ACTL8: variants seen among roughly 807,000 people sequenced by gnomAD.
ACTL8 encodes actin-like protein 8.
ACTL8 carries 3 observed loss-of-function variants against 9.3 expected under a neutral mutation model. That is an observed-to-expected ratio of 0.32 (90% CI 0.15 to 0.83). The LOEUF is 0.83. Ranked by LOEUF, ACTL8 falls within the 40% of genes least tolerant of loss-of-function variation. The probability of loss-of-function intolerance (pLI) is 0.57; values close to 1 mark genes in which losing one functional copy is unlikely to be tolerated. For missense variants in ACTL8, 381 were observed against 492.2 expected (o/e 0.77, Z 2.14); for synonymous variants, 224 against 205.9 (o/e 1.09, Z -0.75).
At chr1:17,820,029 A>G (rs547871507) in intron 1 of ACTL8, among the ~76,000 whole-genome samples, 16 of 152,216 alleles carry the variant, frequency 1.1e-4, no homozygotes, top group Admixed American at 7.9e-4. Flanking sequence ...CTTTGTTTTT[A>G]CTAAAAGTTT....
intron 1 of ACTL8, among the ~76,000 whole-genome samples, chr1:17,820,087 G>C (rs1291567487): frequency 6.6e-6 from 1 of 152,122 alleles, no homozygotes; most frequent in African/African-American, 2.4e-5. Flanking sequence ...GCATACAGAA[G>C]TGTGCCCAGC....
intron 1 of ACTL8, among the ~76,000 whole-genome samples, chr1:17,807,898 C>T (rs1297679650): frequency 1.3e-5 from 2 of 152,000 alleles, no homozygotes; most frequent in Admixed American, 6.6e-5. Flanking sequence ...ATGTAGGTGA[C>T]GGGTTGATGG....
chr1:17,775,500 G>A (rs771430923), intron 1 of ACTL8, among the ~76,000 whole-genome samples: 1 of 152,222 alleles, frequency 6.6e-6, no homozygotes, highest in Non-Finnish European at 1.5e-5. Context: ...AGCCAGGGCT[G>A]TACTGTCAGC....
chr1:17,763,123 G>GCCTGC (rs931422792), intron 1 of ACTL8, among the ~76,000 whole-genome samples: 2 of 152,150 alleles, frequency 1.3e-5, no homozygotes, highest in African/African-American at 2.4e-5. Context: ...AAAGAGCCTG[G>GCCTGC]CCTGCGGGTC....
intron 1 of ACTL8, among the ~76,000 whole-genome samples, chr1:17,792,853 G>A (rs937414607): frequency 6.6e-6 from 1 of 152,232 alleles, no homozygotes; most frequent in Non-Finnish European, 1.5e-5. Flanking sequence ...ATCCAGGGAG[G>A]TGGCAGACTG....
rs111628882 is a variant in ACTL8, at chr1:17,823,569, C to G, written c.348+213C>G. On this transcript the variant is annotated intron_variant, in intron 2 of 2. Transcript: ENST00000375406. The surrounding 1 kb of genome is among the most constrained non-coding windows in gnomAD (Gnocchi z 5.3). ...ACCAGCCTGGGCAATATAGTGAGAC[C>G]CCTGTCTCTATAAAAAATACAAAAA... 0.025 allele frequency among the ~76,000 whole-genome samples: 3,816 copies of G among 152,004 alleles called. 183 individuals are homozygous for G. The highest frequency in any genetic ancestry group is 0.088 in the African/African-American group (3,651 of 41,440).
rs541917572 is a variant in ACTL8, at chr1:17,821,080, C to G, written c.-24-1905C>G. Reference sequence around the variant, plus strand: ...ACCTTTTCATGTGTTTATGTGCCATCCATCTATCTTCTTTGGTGAAGTGAT... The same window carrying G: ...ACCTTTTCATGTGTTTATGTGCCATGCATCTATCTTCTTTGGTGAAGTGAT... On this transcript the variant is annotated intron_variant, in intron 1 of 2. Coordinates refer to ENST00000375406, the MANE Select transcript of ACTL8 (RefSeq NM_030812.3). Among the ~76,000 whole-genome samples the G allele has an allele frequency of 2.0e-5, 3 of 152,158 alleles. No individual in the cohort carries two copies. The South Asian group carries it at 6.2e-4, about 32-fold the overall frequency.
At chr1:17,762,634 G>A (rs555780739) in intron 1 of ACTL8, among the ~76,000 whole-genome samples, 287 of 152,254 alleles carry the variant, frequency 1.9e-3, no homozygotes, top group Non-Finnish European at 3.3e-3. Flanking sequence ...CCTGGTCCCC[G>A]ATATCGAACC....
chr1:17,819,735 T>C (rs1166510828), intron 1 of ACTL8, among the ~76,000 whole-genome samples: 1 of 151,938 alleles, frequency 6.6e-6, no homozygotes, highest in African/African-American at 2.4e-5. Flanking sequence ...TCCCTTAAAA[T>C]TTTTTTTTAC....
chr1:17,790,283 C>G (rs60312100), intron 1 of ACTL8, among the ~76,000 whole-genome samples: 6,029 of 152,316 alleles, frequency 0.04, 408 homozygotes, highest in African/African-American at 0.14. Context: ...GGCCACAGCT[C>G]TTCTCTTCTT....
chr1:17,784,826 G>A (rs1266912514), intron 1 of ACTL8, among the ~76,000 whole-genome samples: 2 of 152,162 alleles, frequency 1.3e-5, no homozygotes, highest in Non-Finnish European at 2.9e-5. Flanking sequence ...GTATTAGTCC[G>A]TTTGCACACT....
chr1:17,786,027 A>T (rs1013428381), intron 1 of ACTL8, among the ~76,000 whole-genome samples: 1 of 152,104 alleles, frequency 6.6e-6, no homozygotes, highest in South Asian at 2.1e-4. Flanking sequence ...GCTCCAGCCT[A>T]TTTCTGGCTC....
At chr1:17,801,980 C>T (rs968354322) in intron 1 of ACTL8, among the ~76,000 whole-genome samples, 6 of 152,150 alleles carry the variant, frequency 3.9e-5, no homozygotes, top group Non-Finnish European at 4.4e-5. Flanking sequence ...CAAGCTGCAG[C>T]GTTGAGCTGT....
chr1:17,784,264 A>G (rs2066178715), intron 1 of ACTL8, among the ~76,000 whole-genome samples: 1 of 152,132 alleles, frequency 6.6e-6, no homozygotes. Flanking sequence ...CTTTTAAACA[A>G]CCAGATCTCA....
At chr1:17,821,038 G>C (rs2053656598) in intron 1 of ACTL8, among the ~76,000 whole-genome samples, 1 of 152,060 alleles carries the variant, frequency 6.6e-6, no homozygotes, top group Admixed American at 6.5e-5. Context: ...TTTTCCTAAT[G>C]AGTAATAATG....
chr1:17,820,877 C>G (rs150981459), intron 1 of ACTL8, among the ~76,000 whole-genome samples: 3 of 152,282 alleles, frequency 2.0e-5, no homozygotes, highest in Non-Finnish European at 4.4e-5. Flanking sequence ...ACACCATTTT[C>G]CAAAGTGCTG....
chr1:17,814,781 G>A (rs972354976), intron 1 of ACTL8, among the ~76,000 whole-genome samples: 7 of 150,972 alleles, frequency 4.6e-5, no homozygotes, highest in African/African-American at 7.3e-5. Flanking sequence ...TGTTACAATC[G>A]CCTACAGTAT....
intron 1 of ACTL8, among the ~76,000 whole-genome samples, chr1:17,790,383 C>G (rs75038550): frequency 0.04 from 6,031 of 152,308 alleles, 407 homozygotes; most frequent in African/African-American, 0.14. Flanking sequence ...TTCCCAAGTT[C>G]TTGTCCCATG....
rs1044911309 is a variant in ACTL8, at chr1:17,825,997, C to T, written c.579C>T (p.Cys193=). ...YLLKSLFKED[C]DRRCLFQLET... ...TCAAGAGTCTCTTTAAGGAAGATTG[C>T]GATAGACGCTGCCTGTTTCAGCTGG... is the stretch of plus-strand genomic sequence containing the variant. Residue 193 remains cysteine (C), a synonymous_variant, in exon 3 of 3, where the codon TGC becomes TGT. Coordinates refer to ENST00000375406, the MANE Select transcript of ACTL8 (RefSeq NM_030812.3). The T allele has an allele frequency of 1.9e-5, 30 of 1,607,978 alleles. No individual in the cohort carries two copies. The highest frequency in any genetic ancestry group is 2.2e-5 in the Non-Finnish European group (26 of 1,179,994).
Sources: allele counts gnomAD v4.1 joint callset (sites outside exome capture counted in the v4.1 genomes callset), GRCh38; gene constraint gnomAD v4.1.1; non-coding constraint Gnocchi (gnomAD v3.1); transcripts MANE v1.5; gene names NCBI Gene and HGNC (gene_info 2026-07-23, HGNC 2026-07-21).